The following SLC30A6 variants were observed in gnomAD, a reference collection of about 807,000 sequenced individuals.
The protein encoded by SLC30A6 is solute carrier family 30 member 6.
Under a neutral mutation model 63.0 loss-of-function variants are expected in SLC30A6, and 55 were observed. The observed-to-expected ratio is 0.87, with a 90% CI of 0.70 to 1.09. The LOEUF (loss-of-function observed/expected upper bound fraction) is 1.09, where lower values mean the gene tolerates loss of function less well. Among genes scored for constraint, SLC30A6 ranks in the 50% least tolerant of loss-of-function variants. The probability of loss-of-function intolerance (pLI) is 0.00; values close to 1 mark genes in which losing one functional copy is unlikely to be tolerated. For synonymous variants in SLC30A6, 224 were observed against 186.1 expected, an observed-to-expected ratio of 1.20 and a Z score of -1.66; for missense variants, 587 against 549.2, an observed-to-expected ratio of 1.07 and a Z score of -0.69.
At chr2:32,201,518 C>T in intron 10 of SLC30A6, 3 of 624,590 alleles carry the variant, frequency 4.8e-6, no homozygotes, top group Non-Finnish European at 7.9e-6. Context: ...AGTGGCTGCC[C>T]TGCCCCTGTT....
intron 5 of SLC30A6, among the ~76,000 whole-genome samples, chr2:32,190,965 CTA>C (rs769768930): frequency 2.0e-5 from 3 of 152,118 alleles, no homozygotes; most frequent in African/African-American, 2.4e-5. Context: ...AATCAGTGGA[CTA>C]TATATGTGTA....
rs1031259204 is a variant in SLC30A6, at chr2:32,197,610, C to T, written c.546-97C>T. ...CTCTTTGCTTTCTTTAAGAAGTACA[C>T]TATGTGGTACCAAAATACAAGTTAT... On this transcript the variant is annotated intron_variant, in intron 9 of 13. Coordinates refer to ENST00000282587, the MANE Select transcript of SLC30A6 (RefSeq NM_017964.5). 2.0e-6 allele frequency: 3 copies of T among 1,536,422 alleles called. No individual in the cohort carries two copies. In the African/African-American group the frequency reaches 4.1e-5, roughly 21 times the overall value.
intron 10 of SLC30A6, among the ~76,000 whole-genome samples, chr2:32,200,077 T>TACACACACAC (rs35617136): frequency 2.0e-5 from 3 of 149,204 alleles, no homozygotes; most frequent in African/African-American, 7.5e-5. Context: ...GAGACATATA[T>TACACACACAC]ACACACACAC....
chr2:32,175,490 T>C, intron 4 of SLC30A6, 129 bp downstream of exon 4: 1 of 775,712 alleles, frequency 1.3e-6, no homozygotes, highest in South Asian at 1.8e-5. Flanking sequence ...AAAAACATTA[T>C]GCTTTGAAGA....
At chr2:32,183,118 C>T (rs1044091519) in intron 4 of SLC30A6, among the ~76,000 whole-genome samples, 39 of 151,054 alleles carry the variant, frequency 2.6e-4, no homozygotes, top group African/African-American at 9.5e-4. Context: ...ACCTGGGAGG[C>T]GGAGGTTGCA....
At chr2:32,198,222 A>G (rs916478198) in intron 10 of SLC30A6, among the ~76,000 whole-genome samples, 4 of 152,160 alleles carry the variant, frequency 2.6e-5, no homozygotes, top group East Asian at 1.9e-4. Context: ...TAAGCTTAAC[A>G]TGTTATGGCA....
intron 4 of SLC30A6, chr2:32,177,484 G>A (rs911115833): frequency 6.0e-5 from 15 of 248,796 alleles, no homozygotes; most frequent in African/African-American, 3.3e-4. Flanking sequence ...TAGAGACGGG[G>A]TTTCACCATT....
chr2:32,171,389 A>G lies in SLC30A6; in HGVS notation c.90+16A>G. On this transcript the variant is annotated intron_variant, in intron 2 of 13. Transcript: ENST00000282587. ...TGACCGAAGGGTAAGTTATTCCTTA[A>G]CCCCAATTTTAATTATTGCACAAAC... 6.3e-7 allele frequency: 1 copy of G among 1,596,048 alleles called. No homozygotes were observed.
chr2:32,172,387 C>CT lies in SLC30A6; in HGVS notation c.90+1024dup, dbSNP rs1208818040. ...CATTATCATTTCCCTCCTTTTTGTT[C>CT]TTTTTTTTTTGAGATGGAATCTTGC... On this transcript the variant is annotated intron_variant, in intron 2 of 13. Coordinates refer to ENST00000282587, the MANE Select transcript of SLC30A6 (RefSeq NM_017964.5). 4.8e-3 allele frequency among the ~76,000 whole-genome samples: 710 copies of CT among 148,786 alleles called. 10 individuals are homozygous for CT. Among genetic ancestry groups the CT allele is most frequent in the African/African-American group, 0.017 (682 of 40,700 alleles).
At chr2:32,197,865 C>A in intron 10 of SLC30A6, 39 bp downstream of exon 10, 1 of 1,608,300 alleles carries the variant, frequency 6.2e-7, no homozygotes, top group Non-Finnish European at 8.5e-7. Context: ...GTTTTGATTT[C>A]TGGGGACTTA....
At chr2:32,197,907 T>C (rs1683943959) in intron 10 of SLC30A6, 81 bp downstream of exon 10, 1 of 1,541,172 alleles carries the variant, frequency 6.5e-7, no homozygotes, top group Admixed American at 1.8e-5. Flanking sequence ...TGGATAGTGG[T>C]CAAGCTTCTA....
At chr2:32,208,888 G>A (rs957409153) in intron 12 of SLC30A6, among the ~76,000 whole-genome samples, 23 of 152,192 alleles carry the variant, frequency 1.5e-4, no homozygotes, top group Non-Finnish European at 2.8e-4. Flanking sequence ...CTATTTTGAT[G>A]TTGAAACTAT....
At chr2:32,178,996 A>G (rs1682045806) in intron 4 of SLC30A6, among the ~76,000 whole-genome samples, 1 of 152,156 alleles carries the variant, frequency 6.6e-6, no homozygotes, top group Non-Finnish European at 1.5e-5. Context: ...AGTGAGTGGT[A>G]CCACAGGCTT....
chr2:32,211,491 C>T (rs1685251755), intron 13 of SLC30A6, among the ~76,000 whole-genome samples: 1 of 152,008 alleles, frequency 6.6e-6, no homozygotes, highest in Admixed American at 6.6e-5. Flanking sequence ...TTATATGTCA[C>T]TTGGTCTTTT....
chr2:32,195,171 C>T (rs1384801892), intron 8 of SLC30A6, among the ~76,000 whole-genome samples: 1 of 140,530 alleles, frequency 7.1e-6, no homozygotes, highest in African/African-American at 2.7e-5. Flanking sequence ...GCAATCTTGG[C>T]TCACTGCAAC....
At chr2:32,217,201 G>C (rs574273898) in intron 13 of SLC30A6, among the ~76,000 whole-genome samples, 22 of 152,126 alleles carry the variant, frequency 1.4e-4, no homozygotes, top group Admixed American at 1.4e-3. Context: ...ACCCTGCTGA[G>C]GTCTTAAATT....
At chr2:32,167,365 G>A (rs1041099567) in intron 1 of SLC30A6, among the ~76,000 whole-genome samples, 1 of 147,496 alleles carries the variant, frequency 6.8e-6, no homozygotes, top group African/African-American at 2.5e-5. Flanking sequence ...GTGAGCCACC[G>A]TGCCAGGCCA....
chr2:32,216,710 C>A (rs1396138778), intron 13 of SLC30A6, among the ~76,000 whole-genome samples: 1 of 151,780 alleles, frequency 6.6e-6, no homozygotes, highest in Non-Finnish European at 1.5e-5. Flanking sequence ...TGTATGACTT[C>A]TTTTGAGATG....
intron 11 of SLC30A6, among the ~76,000 whole-genome samples, chr2:32,205,064 C>T (rs911697965): frequency 6.6e-6 from 1 of 152,090 alleles, no homozygotes; most frequent in Non-Finnish European, 1.5e-5. Flanking sequence ...CCTCTTGCTG[C>T]GGCCTCCCAA....
Sources: allele counts gnomAD v4.1 joint callset (sites outside exome capture counted in the v4.1 genomes callset), GRCh38; gene constraint gnomAD v4.1.1; transcripts MANE v1.5; gene names NCBI Gene and HGNC (gene_info 2026-07-23, HGNC 2026-07-21).